The following DNAJA4 variants were observed in gnomAD, a reference collection of about 807,000 sequenced individuals.
The protein encoded by DNAJA4 is DnaJ heat shock protein family (Hsp40) member A4.
A neutral mutation model predicts 39.7 loss-of-function variants in DNAJA4; 32 were observed. That is an observed-to-expected ratio of 0.81 (90% CI 0.61 to 1.08). The LOEUF is 1.08. Ranked by LOEUF, DNAJA4 falls within the 50% of genes least tolerant of loss-of-function variation. The probability of loss-of-function intolerance (pLI) is 0.00; values close to 1 mark genes in which losing one functional copy is unlikely to be tolerated. For synonymous variants in DNAJA4, 184 were observed against 182.4 expected (o/e 1.01, Z -0.07); for missense variants, 439 against 505.1 (o/e 0.87, Z 1.25).
chr15:78,275,818 A>G (rs2049441168), intron 5 of DNAJA4, 90 bp downstream of exon 5: 4 of 847,554 alleles, frequency 4.7e-6, no homozygotes, highest in East Asian at 2.7e-5. Context: ...TTGCTACATA[A>G]TATTTTACAT....
rs376559741 is a variant in DNAJA4 at position 78,275,484 on chromosome 15, A to T, written c.647-14A>T. On this transcript the variant is annotated splice_polypyrimidine_tract_variant and intron_variant, in intron 4 of 6. Transcript: ENST00000394852. ...ATGAGAAATGGCTAATCAGAAAGGG[A>T]TGATGTTTCATAGGTATGAAAGATG... 3 of 1,595,714 alleles carry T rather than the reference A, an allele frequency of 1.9e-6. No individual in the cohort carries two copies. The Admixed American group carries it at 5.0e-5, about 27-fold the overall frequency.
chr15:78,264,527 C>G (rs866846615), upstream of DNAJA4: 1 of 1,232,516 alleles, frequency 8.1e-7, no homozygotes, highest in Non-Finnish European at 1.0e-6. Flanking sequence ...CCGCCGGCGC[C>G]GAATAAAACC....
rs1337630435 is a variant in DNAJA4 at position 78,281,110 on chromosome 15, G to GC, written c.*651dup. On this transcript the variant is annotated 3_prime_UTR_variant, in exon 7 of 7. Coordinates refer to ENST00000394852, the MANE Select transcript of DNAJA4 (RefSeq NM_001130182.2). Reference sequence around the variant, plus strand: ...CTTGGAAGTTTTCTGAACCTTCCAAGCTCTGTGGTGAGGACAAACCAGTGT... The same window carrying GC: ...CTTGGAAGTTTTCTGAACCTTCCAAGCCTCTGTGGTGAGGACAAACCAGTGT... 1.3e-5 allele frequency: 2 copies of GC among 152,716 alleles called. No homozygotes were observed. Among genetic ancestry groups the GC allele is most frequent in the Non-Finnish European group, 2.9e-5 (2 of 68,130 alleles). 9.5% of individuals were successfully genotyped at this position (152,716 alleles called of 1,614,324 possible). A position where few individuals can be genotyped will look rare whatever the true frequency, so the allele number is the denominator to read the frequency against.
chr15:78,274,058 A>G (rs1238169360), intron 3 of DNAJA4, 139 bp from the exon 4 acceptor site: 1 of 721,488 alleles, frequency 1.4e-6, no homozygotes, highest in Non-Finnish European at 2.3e-6. Context: ...ACTCTTCTGC[A>G]TTGTTTTTTA....
rs368915651 is a variant in DNAJA4, at chr15:78,274,218, C to A, written c.440C>A (p.Ser147Ter). The A allele has an allele frequency of 1.9e-6, 3 of 1,613,798 alleles. No individual in the cohort carries two copies. The highest frequency in any genetic ancestry group is 1.7e-6 in the Non-Finnish European group (2 of 1,179,906). Residue 147 changes from serine (S) to a stop codon, truncating the protein, a stop_gained, in exon 4 of 7, where the codon TCG becomes TAG. Transcript: ENST00000394852. LOFTEE classifies it high-confidence loss of function. ...KCEGVGGKKG[S>*]VEKCPLCKGR... ...GCAGGTGTTGGTGGGAAGAAGGGAT[C>A]GGTGGAGAAGTGCCCGCTGTGCAAG...
chr15:78,271,825 A>G (rs1210523155), intron 2 of DNAJA4, among the ~76,000 whole-genome samples: 3 of 152,192 alleles, frequency 2.0e-5, no homozygotes, highest in Non-Finnish European at 4.4e-5. Flanking sequence ...GCGTATTACA[A>G]TTCTGGATAA....
intron 3 of DNAJA4, 120 bp from the exon 4 acceptor site, chr15:78,274,077 A>G: frequency 1.2e-6 from 1 of 804,116 alleles, no homozygotes; most frequent in East Asian, 2.7e-5. Flanking sequence ...TATTATTGTA[A>G]ATAGAATTCT....
At chr15:78,275,378 T>G in intron 4 of DNAJA4, 120 bp from the exon 5 acceptor site, 4 of 769,876 alleles carry the variant, frequency 5.2e-6, no homozygotes, top group South Asian at 1.9e-5. Flanking sequence ...TGTGCCTGCA[T>G]GAGGTTGGGA....
At chr15:78,278,825 T>A (rs574096050) in intron 5 of DNAJA4, among the ~76,000 whole-genome samples, 3 of 112,576 alleles carry the variant, frequency 2.7e-5, no homozygotes, top group East Asian at 2.6e-4. Context: ...CTAGTTTTTC[T>A]ATTTTTTTTT....
chr15:78,280,135 TAC>T lies in DNAJA4; in HGVS notation c.970_971del (p.Gln324ValfsTer7). The T allele has an allele frequency of 6.2e-7, 1 of 1,614,182 alleles. No homozygotes were observed. Among genetic ancestry groups the T allele is most frequent in the Non-Finnish European group, 8.5e-7 (1 of 1,179,984 alleles). On this transcript the variant is annotated frameshift_variant, in exon 6 of 7. Coordinates refer to ENST00000394852, the MANE Select transcript of DNAJA4 (RefSeq NM_001130182.2). LOFTEE classifies it low-confidence loss of function (END_TRUNC). Reference sequence around the variant, plus strand: ...CCCCTGGAAAAAGGGATTCTGATCATACAGTTTTTAGTAAGTTCACTATGTTT... The same window carrying T: ...CCCCTGGAAAAAGGGATTCTGATCATAGTTTTTAGTAAGTTCACTATGTTT...
In DNAJA4 at chr15:78,265,669, C is replaced by T. The variant is rs1413982838; in HGVS notation, c.132+774C>T. 8.5e-6 allele frequency: 6 copies of T among 702,316 alleles called. No homozygotes were observed. The Admixed American group carries it at 1.2e-4, about 14-fold the overall frequency. The allele number at this position is 702,316 out of a possible 1,614,324, so 43.5% of individuals were successfully genotyped here. A position where few individuals can be genotyped will look rare whatever the true frequency, so the allele number is the denominator to read the frequency against. On this transcript the variant is annotated intron_variant, in intron 1 of 6. Transcript: ENST00000394852. ...TTTTTATCTCTAAAGAGGCTCATGA[C>T]CCACCTGAATAGGTGAATTGAAGGA...
Position 78,270,503 on chromosome 15 carries a change from C to G in DNAJA4, c.139C>G (p.Leu47Val). The G allele has an allele frequency of 6.2e-7, 1 of 1,612,486 alleles. No homozygotes were observed. Among genetic ancestry groups the G allele is most frequent in the Non-Finnish European group, 8.5e-7 (1 of 1,179,442 alleles). The change falls in exon 2 of 7, where the codon CTC becomes GTC. Residue 47 changes from leucine to valine, a missense_variant. Leu to Val is a conservative substitution (Grantham distance 32, BLOSUM62 1). Transcript: ENST00000394852. ...KNPDEGEKFK[L>V]ISQAYEVLSD... is the part of the protein sequence containing the mutation. ...CTCTCTCTCTCTTTTAAAGTTTAAA[C>G]TCATATCCCAGGCATATGAAGTGCT...
chr15:78,277,958 CCT>C (rs997049577), intron 5 of DNAJA4: 10 of 435,890 alleles, frequency 2.3e-5, no homozygotes, highest in Non-Finnish European at 4.1e-5. Flanking sequence ...TCTTTTGCAC[CCT>C]CTCTTTTCTT....
chr15:78,264,337 C>T, upstream of DNAJA4: 1 of 1,443,498 alleles, frequency 6.9e-7, no homozygotes, highest in Non-Finnish European at 9.1e-7. Flanking sequence ...GCAGTCAGAG[C>T]TGGAGCTCCG....
chr15:78,270,462 T>C (rs2141438829), intron 1 of DNAJA4, 35 bp from the exon 2 acceptor site: 1 of 1,591,604 alleles, frequency 6.3e-7, no homozygotes, highest in East Asian at 2.2e-5. Flanking sequence ...CAACTGAAAC[T>C]TCTCTAAAAA....
At position 78,281,484 on chromosome 15, in the gene DNAJA4, T is replaced by G. The variant is rs2049655011; in HGVS notation, c.*1024T>G. 1 of 152,262 alleles carries G rather than the reference T, an allele frequency of 6.6e-6. No homozygotes were observed. The highest frequency in any genetic ancestry group is 2.4e-5 in the African/African-American group (1 of 41,474). 9.4% of individuals were successfully genotyped at this position (152,262 alleles called of 1,614,324 possible). On this transcript the variant is annotated 3_prime_UTR_variant, in exon 7 of 7. Coordinates refer to ENST00000394852, the MANE Select transcript of DNAJA4 (RefSeq NM_001130182.2). ...ATTGCACAGCCATATTACAAAGGGT[T>G]TCCTGCTCAAGTGATGTTTTGGTAA...
At chr15:78,266,086 G>C in intron 1 of DNAJA4, 1 of 660,432 alleles carries the variant, frequency 1.5e-6, no homozygotes, top group African/African-American at 1.8e-5. Context: ...TCTATATTTA[G>C]ATGGCTTACT....
At chr15:78,270,783 C>T (rs372728701) in intron 2 of DNAJA4, 106 bp downstream of exon 2, 47 of 1,250,070 alleles carry the variant, frequency 3.8e-5, no homozygotes, top group South Asian at 5.1e-5. Context: ...TTGGGCCAGG[C>T]GCGGTGGTTC....
At chr15:78,268,936 T>C (rs1014459164) in intron 1 of DNAJA4, among the ~76,000 whole-genome samples, 1 of 152,152 alleles carries the variant, frequency 6.6e-6, no homozygotes, top group Non-Finnish European at 1.5e-5. Context: ...GTTTGCAGTG[T>C]TAAAGCTGGA....
Sources: allele counts gnomAD v4.1 joint callset (sites outside exome capture counted in the v4.1 genomes callset), GRCh38; gene constraint gnomAD v4.1.1; transcripts MANE v1.5; gene names NCBI Gene and HGNC (gene_info 2026-07-23, HGNC 2026-07-21).